RARB: variants seen among roughly 807,000 people sequenced by gnomAD.
The protein encoded by RARB is HBV-activated protein.
A neutral mutation model predicts 51.9 loss-of-function variants in RARB; 17 were observed. The ratio of observed to expected loss-of-function variants is 0.33; its 90% CI spans 0.22 to 0.49. The LOEUF is 0.49. RARB is among the 20% of genes least tolerant of loss of function. The probability of loss-of-function intolerance (pLI) is 0.99; values close to 1 mark genes in which losing one functional copy is unlikely to be tolerated. For missense variants in RARB, 369 were observed against 550.8 expected, an observed-to-expected ratio of 0.67 and a Z score of 3.30; for synonymous variants, 215 against 195.4, an observed-to-expected ratio of 1.10 and a Z score of -0.84.
chr3:25,360,404 C>T (rs1705893501), intron 5 of RARB, among the ~76,000 whole-genome samples: 1 of 152,176 alleles, frequency 6.6e-6, no homozygotes, highest in African/African-American at 2.4e-5. Flanking sequence ...ATACAGCATA[C>T]TGATGGGTCT....
intron 2 of RARB, among the ~76,000 whole-genome samples, chr3:25,032,914 A>G (rs1697905316): frequency 6.6e-6 from 1 of 152,234 alleles, no homozygotes; most frequent in Non-Finnish European, 1.5e-5. Flanking sequence ...ACAATACATT[A>G]CCTCATGCAA....
rs189567073 is a variant in RARB at position 25,434,357 on chromosome 3, A to G, written c.157+5469A>G. On this transcript the variant is annotated intron_variant, in intron 1 of 7. Coordinates refer to ENST00000330688, the MANE Select transcript of RARB (RefSeq NM_000965.5). ...TCTGAGATTATAATTGTCATTTTAC[A>G]TTGTCATAGAATAGATATTTGTGTT... 1.9e-3 allele frequency among the ~76,000 whole-genome samples: 285 copies of G among 152,282 alleles called. 2 individuals are homozygous for G. Among genetic ancestry groups the G allele is most frequent in the African/African-American group, 6.6e-3 (273 of 41,552 alleles).
intron 3 of RARB, among the ~76,000 whole-genome samples, chr3:25,079,587 A>T (rs1054649131): frequency 6.6e-6 from 1 of 152,208 alleles, no homozygotes; most frequent in Non-Finnish European, 1.5e-5. Context: ...GAGGGTTTCT[A>T]TCATAATATG....
At chr3:25,163,823 T>A (rs1184055843) in intron 4 of RARB, among the ~76,000 whole-genome samples, 1 of 152,056 alleles carries the variant, frequency 6.6e-6, no homozygotes, top group Admixed American at 6.6e-5. Context: ...TAAATTCAGT[T>A]GTGATGTTTC....
chr3:24,890,544 T>G (rs966690397), intron 2 of RARB, among the ~76,000 whole-genome samples: 4 of 151,490 alleles, frequency 2.6e-5, no homozygotes, highest in African/African-American at 9.7e-5. Flanking sequence ...AGTCTGGGAG[T>G]TGGAAATCAG....
At chr3:25,374,388 G>A (rs1482792798) in intron 5 of RARB, among the ~76,000 whole-genome samples, 4 of 152,134 alleles carry the variant, frequency 2.6e-5, no homozygotes, top group Admixed American at 1.3e-4. Context: ...TAAAGATATA[G>A]GTAGGGTTAA....
intron 5 of RARB, among the ~76,000 whole-genome samples, chr3:25,327,161 G>A (rs554604921): frequency 2.6e-5 from 4 of 152,038 alleles, no homozygotes; most frequent in East Asian, 1.9e-4. Flanking sequence ...AGCCCAGAAC[G>A]TTTAACATTT....
At chr3:24,979,020 A>G (rs1198503246) in intron 2 of RARB, among the ~76,000 whole-genome samples, 1 of 152,140 alleles carries the variant, frequency 6.6e-6, no homozygotes, top group Non-Finnish European at 1.5e-5. Context: ...CCCAGTAGTC[A>G]TTTAGGAGCA....
chr3:24,945,532 G>C (rs908980117), intron 2 of RARB, among the ~76,000 whole-genome samples: 2 of 152,216 alleles, frequency 1.3e-5, no homozygotes, highest in South Asian at 4.1e-4. Context: ...GAAGCAGCTT[G>C]CCTCTCTCCT....
chr3:25,362,106 T>A (rs7638687), intron 5 of RARB, among the ~76,000 whole-genome samples: 58,040 of 151,782 alleles, frequency 0.38, 11,571 homozygotes, highest in East Asian at 0.75. Context: ...AGGTGCTGTG[T>A]CCCAGGGAGA....
intron 5 of RARB, among the ~76,000 whole-genome samples, chr3:25,409,960 A>G (rs1707515676): frequency 6.6e-6 from 1 of 152,198 alleles, no homozygotes; most frequent in Non-Finnish European, 1.5e-5. Context: ...CCTAAATCAG[A>G]CAAGAGTGTG....
At chr3:25,200,879 A>G (rs528922730) in intron 5 of RARB, among the ~76,000 whole-genome samples, 5 of 151,872 alleles carry the variant, frequency 3.3e-5, no homozygotes, top group African/African-American at 4.8e-5. Flanking sequence ...GTAGCATGAT[A>G]CCTCCAGCTT....
intron 5 of RARB, among the ~76,000 whole-genome samples, chr3:25,312,832 A>G (rs1482208304): frequency 6.6e-6 from 1 of 152,226 alleles, no homozygotes; most frequent in Non-Finnish European, 1.5e-5. Flanking sequence ...TCCCTCGCGG[A>G]TAGACATGAG....
chr3:25,198,137 C>G (rs973218804), intron 5 of RARB, among the ~76,000 whole-genome samples: 4 of 151,940 alleles, frequency 2.6e-5, no homozygotes, highest in Admixed American at 1.3e-4. Flanking sequence ...ACAGTGAAAT[C>G]ATATTCAGCA....
rs141134591 is a variant in RARB at position 25,241,048 on chromosome 3, A to T, written c.178+66473A>T. On this transcript the variant is annotated intron_variant, in intron 5 of 11. Transcript: ENST00000383772. ...CAGCCTTTCTATTTCTTCTTGATTA[A>T]GTCTAAGTAGATTGCATGTGTCTAG... Among the ~76,000 whole-genome samples the T allele has an allele frequency of 1.6e-3, 247 of 152,278 alleles. 2 individuals are homozygous for T. The highest frequency in any genetic ancestry group is 5.7e-3 in the African/African-American group (237 of 41,568).
chr3:25,012,472 T>C (rs1697419948), intron 2 of RARB, among the ~76,000 whole-genome samples: 1 of 152,098 alleles, frequency 6.6e-6, no homozygotes, highest in Non-Finnish European at 1.5e-5. Context: ...AAAACTGTAC[T>C]AGAAGCTCTG....
At chr3:25,534,825 G>T (rs1319766366) in intron 3 of RARB, among the ~76,000 whole-genome samples, 1 of 152,172 alleles carries the variant, frequency 6.6e-6, no homozygotes, top group East Asian at 1.9e-4. Flanking sequence ...GGCTGCTAGT[G>T]CCCTGAACAC....
intron 5 of RARB, among the ~76,000 whole-genome samples, chr3:25,294,200 T>A (rs1457199280): frequency 6.6e-6 from 1 of 152,088 alleles, no homozygotes; most frequent in East Asian, 1.9e-4. Context: ...AAACACCATA[T>A]GTTGATTATG....
intron 4 of RARB, among the ~76,000 whole-genome samples, chr3:25,572,305 A>G (rs1005206153): frequency 2.6e-5 from 4 of 152,184 alleles, no homozygotes; most frequent in Non-Finnish European, 5.9e-5. Context: ...TTATCATTGT[A>G]ATCATTATTA....
Sources: allele counts gnomAD v4.1 joint callset (sites outside exome capture counted in the v4.1 genomes callset), GRCh38; gene constraint gnomAD v4.1.1; transcripts MANE v1.5; gene names NCBI Gene and HGNC (gene_info 2026-07-23, HGNC 2026-07-21).